TENM3: variants seen among roughly 807,000 people sequenced by gnomAD.
TENM3 encodes the protein teneurin transmembrane protein 3.
Under a neutral mutation model 255.1 loss-of-function variants are expected in TENM3, and 63 were observed. That is an observed-to-expected ratio of 0.25 (90% confidence interval 0.20 to 0.30). The LOEUF (loss-of-function observed/expected upper bound fraction) is 0.30. TENM3 is among the 10% of genes least tolerant of loss of function. TENM3 has a pLI of 1.00. For missense variants in TENM3, 2,929 were observed against 3,461.1 expected, an observed-to-expected ratio of 0.85 and a Z score of 3.86; for synonymous variants, 1,306 against 1,322.3, an observed-to-expected ratio of 0.99 and a Z score of 0.27.
At chr4:182,544,451 C>A (rs995027075) in intron 3 of TENM3, among the ~76,000 whole-genome samples, 2 of 149,294 alleles carry the variant, frequency 1.3e-5, no homozygotes, top group South Asian at 4.3e-4. Context: ...CTACCTCAGT[C>A]TCTCGAGTAG....
chr4:182,182,841 T>G (rs1366514320), intron 1 of TENM3, among the ~76,000 whole-genome samples: 1 of 152,242 alleles, frequency 6.6e-6, no homozygotes, highest in African/African-American at 2.4e-5. Flanking sequence ...ATATCACTGA[T>G]TTTTATAATT....
chr4:181,690,885 G>A, the TENM3 span, among the ~76,000 whole-genome samples: 6 of 152,060 alleles, frequency 3.9e-5, no homozygotes, highest in Non-Finnish European at 5.9e-5. Flanking sequence ...TTTAATTAAA[G>A]GGGTAACAGA....
chr4:182,793,913 C>G lies in TENM3; in HGVS notation c.7213+28C>G. On this transcript the variant is annotated intron_variant, in intron 26 of 27. Transcript: ENST00000511685. This position sits in a 1 kb window ranked among gnomAD's most constrained non-coding sequence, Gnocchi z 5.7. ...AAGCATTTTGATTCCTTCCCAAGAGCTGGAGGACTACCATCATTAGATTAA... is the reference window on the plus strand; with the variant it reads ...AAGCATTTTGATTCCTTCCCAAGAGGTGGAGGACTACCATCATTAGATTAA... The G allele has an allele frequency of 6.4e-7, 1 of 1,553,078 alleles. No individual in the cohort carries two copies. The highest frequency in any genetic ancestry group is 8.7e-7 in the Non-Finnish European group (1 of 1,147,132).
the TENM3 span, among the ~76,000 whole-genome samples, chr4:181,465,334 A>AT: frequency 1.1e-4 from 16 of 151,536 alleles, no homozygotes; most frequent in East Asian, 3.1e-3. Flanking sequence ...TAAGATATAT[A>AT]TTTTTTTCTC....
At chr4:181,810,412 T>TA in the TENM3 span, among the ~76,000 whole-genome samples, 1 of 152,170 alleles carries the variant, frequency 6.6e-6, no homozygotes, top group Admixed American at 6.5e-5. Flanking sequence ...TGAGTCCCCT[T>TA]TCCTCTCTGT....
chr4:181,630,992 C>G, the TENM3 span, among the ~76,000 whole-genome samples: 2 of 152,142 alleles, frequency 1.3e-5, no homozygotes, highest in African/African-American at 4.8e-5. Flanking sequence ...GGGCAGATTC[C>G]TGAGCATAAG....
At chr4:182,214,809 C>A (rs1755342713) in intron 1 of TENM3, among the ~76,000 whole-genome samples, 1 of 152,066 alleles carries the variant, frequency 6.6e-6, no homozygotes, top group Non-Finnish European at 1.5e-5. Context: ...TTCTTAACAT[C>A]ATAATGCTTA....
the TENM3 span, among the ~76,000 whole-genome samples, chr4:181,768,316 A>G: frequency 6.6e-6 from 1 of 152,136 alleles, no homozygotes; most frequent in Non-Finnish European, 1.5e-5. Flanking sequence ...GGATGACGCT[A>G]ACTGGTCTAA....
chr4:181,569,459 G>A, the TENM3 span, among the ~76,000 whole-genome samples: 1 of 152,158 alleles, frequency 6.6e-6, no homozygotes, highest in Non-Finnish European at 1.5e-5. Flanking sequence ...TGTAAGGATT[G>A]TAGAATCTCT....
the TENM3 span, among the ~76,000 whole-genome samples, chr4:182,070,818 T>C: frequency 1.1e-4 from 17 of 152,206 alleles, no homozygotes; most frequent in African/African-American, 3.9e-4. Context: ...GAGGTACAGA[T>C]ATTCCACAAC....
chr4:181,629,945 C>T, the TENM3 span, among the ~76,000 whole-genome samples: 1 of 152,114 alleles, frequency 6.6e-6, no homozygotes, highest in Non-Finnish European at 1.5e-5. Context: ...TGATAGAATT[C>T]GGCTGTGAGT....
At chr4:182,101,958 T>C in the TENM3 span, among the ~76,000 whole-genome samples, 1 of 152,210 alleles carries the variant, frequency 6.6e-6, no homozygotes, top group South Asian at 2.1e-4. Flanking sequence ...CTGTGTCCAG[T>C]GCTTAACTCT....
At chr4:181,888,523 TATAC>T in the TENM3 span, among the ~76,000 whole-genome samples, 150 of 94,312 alleles carry the variant, frequency 1.6e-3, 7 homozygotes, top group African/African-American at 3.7e-3. Context: ...TATGTATATA[TATAC>T]ATATATGTGT....
chr4:182,659,225 C>T (rs555738309), intron 6 of TENM3, among the ~76,000 whole-genome samples: 3 of 152,290 alleles, frequency 2.0e-5, no homozygotes, highest in African/African-American at 4.8e-5. Context: ...GATTTCTGTA[C>T]AGTACCTTCC....
chr4:182,109,340 T>C, the TENM3 span, among the ~76,000 whole-genome samples: 1 of 150,260 alleles, frequency 6.7e-6, no homozygotes, highest in Non-Finnish European at 1.5e-5. Context: ...TACCATATAA[T>C]TTATAATCAC....
At chr4:182,134,562 C>G in the TENM3 span, among the ~76,000 whole-genome samples, 3 of 152,114 alleles carry the variant, frequency 2.0e-5, no homozygotes, top group Non-Finnish European at 4.4e-5. Context: ...GAATCCTGGT[C>G]TTTCACAGAT....
At chr4:182,003,764 CTCTTT>C in the TENM3 span, among the ~76,000 whole-genome samples, 2 of 152,116 alleles carry the variant, frequency 1.3e-5, no homozygotes, top group Non-Finnish European at 2.9e-5. Flanking sequence ...CCAGCCTACA[CTCTTT>C]TCTTGCTATA....
At chr4:182,596,499 C>G (rs117463609) in intron 3 of TENM3, among the ~76,000 whole-genome samples, 88 of 152,214 alleles carry the variant, frequency 5.8e-4, no homozygotes, top group African/African-American at 2.0e-3. Flanking sequence ...TGATTTTTAC[C>G]TGGAGAAAAC....
chr4:181,839,455 T>C, the TENM3 span, among the ~76,000 whole-genome samples: 8 of 146,330 alleles, frequency 5.5e-5, no homozygotes, highest in South Asian at 2.1e-4. Context: ...CATTGATATA[T>C]ATATCTATAT....
Sources: allele counts gnomAD v4.1 joint callset (sites outside exome capture counted in the v4.1 genomes callset), GRCh38; gene constraint gnomAD v4.1.1; non-coding constraint Gnocchi (gnomAD v3.1); transcripts MANE v1.5; gene names NCBI Gene and HGNC (gene_info 2026-07-23, HGNC 2026-07-21).